The following TAF15 variants were observed in gnomAD, a reference collection of about 807,000 sequenced individuals.
TAF15 encodes TATA-box binding protein associated factor 15, also known as TATA-binding protein-associated factor 2N.
TAF15 carries 37 observed loss-of-function variants against 102.5 expected under a neutral mutation model. That is an observed-to-expected ratio of 0.36 (90% CI 0.28 to 0.47). The LOEUF is 0.47. Ranked by LOEUF, TAF15 falls within the 20% of genes least tolerant of loss-of-function variation. TAF15 has a pLI of 0.99. For synonymous variants in TAF15, 273 were observed against 259.2 expected (o/e 1.05, Z -0.51); for missense variants, 652 against 760.7 (o/e 0.86, Z 1.68).
At position 35,810,468 on chromosome 17, in the gene TAF15, G is replaced by A. The variant is rs572555202; in HGVS notation, c.7+892G>A. On this transcript the variant is annotated intron_variant, in intron 1 of 15. Transcript: ENST00000605844. ...ACCAGAATAAAAAGTCTAGAACATG[G>A]ATGTCCTCTTGATTTAGCAGATCTA... 4 of 152,330 alleles carry A rather than the reference G, an allele frequency of 2.6e-5. No homozygotes were observed. The South Asian group carries it at 8.3e-4, about 32-fold the overall frequency. 9.4% of individuals were successfully genotyped at this position (152,330 alleles called of 1,614,324 possible).
intron 7 of TAF15, among the ~76,000 whole-genome samples, chr17:35,824,685 A>G (rs1019113248): frequency 6.6e-6 from 1 of 152,192 alleles, no homozygotes; most frequent in Non-Finnish European, 1.5e-5. Flanking sequence ...TAATGTAACA[A>G]AACTGTTTTG....
intron 1 of TAF15, 34 bp downstream of exon 1, chr17:35,809,610 C>A (rs768837382): frequency 1.9e-6 from 3 of 1,613,026 alleles, no homozygotes; most frequent in Non-Finnish European, 2.5e-6. Context: ...GCGGCAGCGA[C>A]GAGAAGGTCC....
At position 35,847,166 on chromosome 17, in the gene TAF15, C is replaced by T. The variant is rs769094775; in HGVS notation, c.*221C>T. ...TCTCCCCAACCCTTGGAGCTAAATG[C>T]GTTGTAAAATATTGCCAAAATGAAA... On this transcript the variant is annotated 3_prime_UTR_variant, in exon 16 of 16. Coordinates refer to ENST00000605844, the MANE Select transcript of TAF15 (RefSeq NM_139215.3). 20 of 616,666 alleles carry T rather than the reference C, an allele frequency of 3.2e-5. No individual in the cohort carries two copies. Among genetic ancestry groups the T allele is most frequent in the Non-Finnish European group, 4.3e-5 (15 of 349,404 alleles). The allele number at this position is 616,666 out of a possible 1,614,324, so 38.2% of individuals were successfully genotyped here.
chr17:35,828,957 C>T (rs959815281), intron 7 of TAF15, among the ~76,000 whole-genome samples: 5 of 152,152 alleles, frequency 3.3e-5, no homozygotes, highest in African/African-American at 1.2e-4. Context: ...ATGATAGATT[C>T]TTGGCCTCCT....
In TAF15 at chr17:35,814,570, A is replaced by G. The variant is rs17639386; in HGVS notation, c.8-3146A>G. Among the ~76,000 whole-genome samples the G allele has an allele frequency of 9.8e-3, 1,485 of 152,052 alleles. 13 individuals carry two copies. The highest frequency in any genetic ancestry group is 0.024 in the Middle Eastern group (7 of 294). ...GGCCTATACTTTTGTGTGCCTAATA[A>G]TATATACAGAAAACAGGCCCACCTG... On this transcript the variant is annotated intron_variant, in intron 1 of 15. Transcript: ENST00000605844.
intron 6 of TAF15, chr17:35,823,706 CAAAAAAA>C (rs57004932): frequency 5.3e-4 from 85 of 161,320 alleles, no homozygotes; most frequent in South Asian, 1.3e-3. Context: ...CTCTTGTCTC[CAAAAAAA>C]AAAAAAAAAA....
At chr17:35,836,352 G>C (rs4251765) in intron 10 of TAF15, 111 bp downstream of exon 10, 2 of 757,476 alleles carry the variant, frequency 2.6e-6, no homozygotes, top group African/African-American at 3.5e-5. Context: ...TTAAAATTTT[G>C]TGATGCACAT....
rs570125185 is a variant in TAF15, at chr17:35,826,295, C to T, written c.605+2097C>T. On this transcript the variant is annotated intron_variant, in intron 7 of 15. Transcript: ENST00000605844. ...AAGGGATCTGCAATCTTGCCTTATA[C>T]TCTGTTATTTGTTGAGATGTTCATG... 5.7e-4 allele frequency among the ~76,000 whole-genome samples: 87 copies of T among 152,194 alleles called. 4 individuals are homozygous for T. In the South Asian group the frequency reaches 0.018, roughly 31 times the overall value.
intron 1 of TAF15, chr17:35,817,358 G>A (rs924084572): frequency 3.7e-6 from 1 of 270,310 alleles, no homozygotes; most frequent in African/African-American, 2.2e-5. Context: ...GGATGTCATA[G>A]TGCATGTCTT....
intron 7 of TAF15, among the ~76,000 whole-genome samples, chr17:35,831,883 C>G (rs2087411054): frequency 6.6e-6 from 1 of 151,970 alleles, no homozygotes; most frequent in African/African-American, 2.4e-5. Flanking sequence ...GAGATCGAGA[C>G]CATCCTGGCC....
At chr17:35,842,970 C>A (rs1047445633) in intron 12 of TAF15, among the ~76,000 whole-genome samples, 1 of 151,930 alleles carries the variant, frequency 6.6e-6, no homozygotes, top group African/African-American at 2.4e-5. Context: ...ACCTCATGAT[C>A]CAGCCACCTT....
intron 7 of TAF15, among the ~76,000 whole-genome samples, chr17:35,831,162 G>T (rs1055084563): frequency 6.6e-6 from 1 of 152,172 alleles, no homozygotes; most frequent in South Asian, 2.1e-4. Flanking sequence ...CAGTGCTTTG[G>T]GAGGCCGAGA....
chr17:35,829,636 A>AG (rs2087376390), intron 7 of TAF15, among the ~76,000 whole-genome samples: 1 of 135,744 alleles, frequency 7.4e-6, no homozygotes, highest in Non-Finnish European at 1.7e-5. Context: ...CATCTCAAAA[A>AG]AAAAAAAAAA....
intron 7 of TAF15, among the ~76,000 whole-genome samples, chr17:35,827,144 C>T (rs556468600): frequency 1.6e-4 from 25 of 151,918 alleles, no homozygotes; most frequent in Admixed American, 2.0e-4. Flanking sequence ...GTAATCCCAG[C>T]GCTTTGGGAG....
At chr17:35,831,891 G>A (rs1392752414) in intron 7 of TAF15, among the ~76,000 whole-genome samples, 1 of 151,614 alleles carries the variant, frequency 6.6e-6, no homozygotes, top group East Asian at 1.9e-4. Flanking sequence ...GACCATCCTG[G>A]CCAACACAGT....
rs753475266 is a variant in TAF15 at position 35,834,641 on chromosome 17, T to C, written c.673+43T>C. ...TTGTCACTTTGCCATTAAGAAAATG[T>C]TAGTTTTTTTTTTGATGGGAAAAGT... is the stretch of plus-strand genomic sequence containing the variant. On this transcript the variant is annotated intron_variant, in intron 9 of 15. Transcript: ENST00000605844. 5 of 1,601,746 alleles carry C rather than the reference T, an allele frequency of 3.1e-6. No homozygotes were observed. In the South Asian group the frequency reaches 5.5e-5, roughly 18 times the overall value.
intron 7 of TAF15, among the ~76,000 whole-genome samples, chr17:35,831,823 C>T (rs1486030196): frequency 6.6e-6 from 1 of 151,640 alleles, no homozygotes; most frequent in Admixed American, 6.6e-5. Context: ...TGGCTCACAC[C>T]TGTAATCCCA....
In TAF15 at chr17:35,809,550, C is replaced by G; in HGVS notation, c.-20C>G. On this transcript the variant is annotated 5_prime_UTR_variant, in exon 1 of 16. Transcript: ENST00000605844. ...TTGTTCTCGGCGGGCTGTGGGGCCT[C>G]CGCGCCGCGGCCGTTAGTCATGTCG... 6.2e-7 allele frequency: 1 copy of G among 1,613,208 alleles called. No individual in the cohort carries two copies. Among genetic ancestry groups the G allele is most frequent in the Non-Finnish European group, 8.5e-7 (1 of 1,179,822 alleles).
intron 11 of TAF15, among the ~76,000 whole-genome samples, chr17:35,841,388 A>G (rs1424986932): frequency 6.6e-6 from 1 of 152,064 alleles, no homozygotes; most frequent in Non-Finnish European, 1.5e-5. Flanking sequence ...CACATATTCT[A>G]CAGCTGGCTT....
Sources: gnomAD v4.1 joint callset for allele counts (sites outside exome capture counted in the v4.1 genomes callset) on GRCh38, gnomAD v4.1.1 for gene constraint, MANE v1.5 for transcripts, NCBI Gene and HGNC (gene_info 2026-07-23, HGNC 2026-07-21) for gene names.